Variants in ARNT2 observed in about 807,000 individuals in gnomAD.
The protein encoded by ARNT2 is ARNT protein 2.
A neutral mutation model predicts 91.7 loss-of-function variants in ARNT2; 36 were observed. That is an observed-to-expected ratio of 0.39 (90% CI 0.30 to 0.52). The LOEUF is 0.52. Among genes scored for constraint, ARNT2 ranks in the 20% least tolerant of loss-of-function variants. The pLI is 0.72. For synonymous variants in ARNT2, 365 were observed against 347.1 expected (o/e 1.05, Z -0.57); for missense variants, 775 against 939.3 (o/e 0.83, Z 2.29).
intron 8 of ARNT2, among the ~76,000 whole-genome samples, chr15:80,521,331 TA>T (rs1380532788): frequency 6.6e-6 from 1 of 151,974 alleles, no homozygotes. Context: ...AGTTAAAGCA[TA>T]AAAAATTAAA....
intron 6 of ARNT2, among the ~76,000 whole-genome samples, chr15:80,511,869 G>A (rs1399093112): frequency 6.6e-6 from 1 of 152,136 alleles, no homozygotes; most frequent in Non-Finnish European, 1.5e-5. Flanking sequence ...GAAAAAAGGA[G>A]TTATCAAAGG....
At chr15:80,557,538 C>T (rs983020973) in intron 11 of ARNT2, among the ~76,000 whole-genome samples, 2 of 152,108 alleles carry the variant, frequency 1.3e-5, no homozygotes, top group African/African-American at 4.8e-5. Context: ...AAATAATCTG[C>T]ACAACAAACC....
chr15:80,512,626 C>T (rs1310898351), intron 6 of ARNT2, among the ~76,000 whole-genome samples: 1 of 152,210 alleles, frequency 6.6e-6, no homozygotes, highest in Non-Finnish European at 1.5e-5. Flanking sequence ...GAATAAATGC[C>T]TATCCTAGCT....
intron 5 of ARNT2, among the ~76,000 whole-genome samples, chr15:80,482,813 T>A: frequency 6.6e-6 from 1 of 152,200 alleles, no homozygotes; most frequent in East Asian, 1.9e-4. Flanking sequence ...TCTTCCCCAC[T>A]GAATCAGAAG....
chr15:80,483,617 G>A (rs567957791), intron 5 of ARNT2, among the ~76,000 whole-genome samples: 6 of 152,322 alleles, frequency 3.9e-5, no homozygotes, highest in East Asian at 1.9e-4. Context: ...ACCAGGGTCC[G>A]CACCAAGTTT....
intron 12 of ARNT2, among the ~76,000 whole-genome samples, chr15:80,569,344 A>G (rs1050427237): frequency 3.3e-5 from 5 of 152,226 alleles, no homozygotes; most frequent in African/African-American, 9.6e-5. Flanking sequence ...TGGCTGTGGT[A>G]GGAACCCACT....
intron 5 of ARNT2, among the ~76,000 whole-genome samples, chr15:80,490,111 T>A (rs1897034199): frequency 6.6e-6 from 1 of 151,678 alleles, no homozygotes; most frequent in South Asian, 2.1e-4. Context: ...CAGGAGAAAG[T>A]GGTGAGAGAG....
intron 5 of ARNT2, among the ~76,000 whole-genome samples, chr15:80,485,917 C>T (rs917656445): frequency 2.0e-5 from 3 of 152,124 alleles, no homozygotes; most frequent in Admixed American, 6.5e-5. Flanking sequence ...CTCTGGCTGC[C>T]GTAGTACATT....
intron 5 of ARNT2, among the ~76,000 whole-genome samples, chr15:80,480,667 G>A (rs1050896981): frequency 8.5e-5 from 13 of 152,102 alleles, no homozygotes; most frequent in African/African-American, 3.1e-4. Flanking sequence ...TTGGTTCAGT[G>A]TAGAAAATAG....
chr15:80,475,326 G>A (rs906549596), intron 5 of ARNT2, 103 bp downstream of exon 5: 57 of 1,199,830 alleles, frequency 4.8e-5, no homozygotes, highest in South Asian at 2.4e-4. Context: ...AGGCTGAGGC[G>A]GGTGGATCAC....
chr15:80,473,247 T>A (rs1329768062), intron 4 of ARNT2, among the ~76,000 whole-genome samples: 3 of 151,982 alleles, frequency 2.0e-5, no homozygotes, highest in African/African-American at 7.3e-5. Flanking sequence ...TTTCTTGGAG[T>A]GTAGAGGCTG....
At chr15:80,565,163 A>G (rs1567003059) in intron 12 of ARNT2, among the ~76,000 whole-genome samples, 1 of 152,076 alleles carries the variant, frequency 6.6e-6, no homozygotes, top group African/African-American at 2.4e-5. Flanking sequence ...GGACTCAGGC[A>G]ATCTGCCTGC....
At chr15:80,515,828 C>G in intron 8 of ARNT2, among the ~76,000 whole-genome samples, 1 of 148,016 alleles carries the variant, frequency 6.8e-6, no homozygotes, top group East Asian at 1.9e-4. Context: ...TTCATGTCAG[C>G]TTGAGAACAA....
At chr15:80,543,810 G>A (rs1420971332) in intron 8 of ARNT2, among the ~76,000 whole-genome samples, 5 of 151,886 alleles carry the variant, frequency 3.3e-5, no homozygotes, top group Admixed American at 6.6e-5. Context: ...GCCTGATCTC[G>A]GCTCACTGCA....
rs574727374 is a variant in ARNT2 at position 80,576,732 on chromosome 15, G to T, written c.1514-134G>T. The T allele has an allele frequency of 7.4e-5, 62 of 837,768 alleles. 1 individual carries two copies. The South Asian group carries it at 9.4e-4, about 13-fold the overall frequency. 51.9% of individuals were successfully genotyped at this position (837,768 alleles called of 1,614,324 possible). A position where few individuals can be genotyped will look rare whatever the true frequency, so the allele number is the denominator to read the frequency against. Reference sequence around the variant, plus strand: ...AGGCAGAGGCAAGGCTGAGAAGATTGCGTGCAGGCGGGCTGCCCTGACTTG... The same window carrying T: ...AGGCAGAGGCAAGGCTGAGAAGATTTCGTGCAGGCGGGCTGCCCTGACTTG... On this transcript the variant is annotated intron_variant, in intron 14 of 18. Coordinates refer to ENST00000303329, the MANE Select transcript of ARNT2 (RefSeq NM_014862.4).
chr15:80,474,975 A>T (rs970874424), intron 4 of ARNT2, 35 bp from the exon 5 acceptor site: 7 of 1,602,984 alleles, frequency 4.4e-6, no homozygotes, highest in Non-Finnish European at 6.0e-6. Flanking sequence ...TGGGTCTGTC[A>T]GTGTATTGTG....
At chr15:80,442,884 G>A in intron 1 of ARNT2, 1 of 985,306 alleles carries the variant, frequency 1.0e-6, no homozygotes, top group Non-Finnish European at 1.2e-6. Flanking sequence ...TCCCTTTTTG[G>A]GATCTGACGC....
intron 4 of ARNT2, among the ~76,000 whole-genome samples, chr15:80,474,455 C>G (rs751104092): frequency 1.6e-4 from 25 of 152,174 alleles, no homozygotes; most frequent in Non-Finnish European, 3.1e-4. Context: ...TAAGGGGATA[C>G]TCTTATAGCC....
chr15:80,591,484 G>A lies in ARNT2; in HGVS notation c.1919-84G>A. 6.4e-7 allele frequency: 1 copy of A among 1,563,308 alleles called. No individual in the cohort carries two copies. The highest frequency in any genetic ancestry group is 8.8e-7 in the Non-Finnish European group (1 of 1,142,788). Reference sequence around the variant, plus strand: ...GGAACGTGCCTTTCAGAAGCGGGAGGCCCTCCAGCCGCAGTGGTTCTTAGG... The same window carrying A: ...GGAACGTGCCTTTCAGAAGCGGGAGACCCTCCAGCCGCAGTGGTTCTTAGG... On this transcript the variant is annotated intron_variant, in intron 17 of 18. Coordinates refer to ENST00000303329, the MANE Select transcript of ARNT2 (RefSeq NM_014862.4). This position sits in a 1 kb window ranked among gnomAD's most constrained non-coding sequence, Gnocchi z 5.1.
Sources: allele counts gnomAD v4.1 joint callset (sites outside exome capture counted in the v4.1 genomes callset), GRCh38; gene constraint gnomAD v4.1.1; non-coding constraint Gnocchi (gnomAD v3.1); transcripts MANE v1.5; gene names NCBI Gene and HGNC (gene_info 2026-07-23, HGNC 2026-07-21).